FBXL7: variants seen among roughly 807,000 people sequenced by gnomAD.
FBXL7 encodes the protein F-box/LRR-repeat protein 7.
FBXL7 carries 12 observed loss-of-function variants against 38.3 expected under a neutral mutation model. The observed-to-expected ratio is 0.31, with a 90% CI of 0.20 to 0.51. The LOEUF (loss-of-function observed/expected upper bound fraction) is 0.51, where lower values mean the gene tolerates loss of function less well. FBXL7 is among the 20% of genes least tolerant of loss of function. FBXL7 has a pLI of 0.98. For synonymous variants in FBXL7, 297 were observed against 300.9 expected (o/e 0.99, Z 0.13); for missense variants, 567 against 676.4 (o/e 0.84, Z 1.79).
At chr5:15,771,971 A>G (rs1398865153) in intron 2 of FBXL7, among the ~76,000 whole-genome samples, 2 of 151,896 alleles carry the variant, frequency 1.3e-5, no homozygotes, top group Non-Finnish European at 2.9e-5. Context: ...AAGATTCACC[A>G]TGTTAATCAG....
In FBXL7 at chr5:15,889,683, A is replaced by G. The variant is rs530154658; in HGVS notation, c.128-38207A>G. 9.8e-5 allele frequency among the ~76,000 whole-genome samples: 15 copies of G among 152,336 alleles called. 1 individual carries two copies. Among genetic ancestry groups the G allele is most frequent in the African/African-American group, 3.6e-4 (15 of 41,574 alleles). On this transcript the variant is annotated intron_variant, in intron 2 of 3. Coordinates refer to ENST00000504595, the MANE Select transcript of FBXL7 (RefSeq NM_012304.5). Reference sequence around the variant, plus strand: ...TGGTCTCTAGGGATAGGATCCAGGTATCAGTGTTGTTCTGAAACTCCCTCA... The same window carrying G: ...TGGTCTCTAGGGATAGGATCCAGGTGTCAGTGTTGTTCTGAAACTCCCTCA...
chr5:15,844,736 G>C (rs1342516566), intron 2 of FBXL7, among the ~76,000 whole-genome samples: 1 of 152,102 alleles, frequency 6.6e-6, no homozygotes, highest in Non-Finnish European at 1.5e-5. Context: ...TCTACCTTAG[G>C]AAACATGATA....
At chr5:15,781,910 C>T (rs1372884309) in intron 2 of FBXL7, among the ~76,000 whole-genome samples, 1 of 152,044 alleles carries the variant, frequency 6.6e-6, no homozygotes, top group Non-Finnish European at 1.5e-5. Flanking sequence ...ATACATGTGC[C>T]ATGGTGGTTT....
At chr5:15,860,253 C>T (rs1188396670) in intron 2 of FBXL7, among the ~76,000 whole-genome samples, 2 of 152,178 alleles carry the variant, frequency 1.3e-5, no homozygotes, top group Non-Finnish European at 2.9e-5. Flanking sequence ...GACACATATT[C>T]TCCTATCTGA....
intron 2 of FBXL7, among the ~76,000 whole-genome samples, chr5:15,697,898 C>T (rs897120594): frequency 6.6e-6 from 1 of 152,096 alleles, no homozygotes; most frequent in South Asian, 2.1e-4. Flanking sequence ...TGTTATTTTC[C>T]AAAATTGGCA....
intron 2 of FBXL7, among the ~76,000 whole-genome samples, chr5:15,814,911 T>C (rs1737974647): frequency 6.6e-6 from 1 of 152,166 alleles, no homozygotes; most frequent in African/African-American, 2.4e-5. Context: ...TGAATGGCCC[T>C]GCATTTCACT....
At chr5:15,849,179 C>T (rs1353686369) in intron 2 of FBXL7, among the ~76,000 whole-genome samples, 1 of 151,358 alleles carries the variant, frequency 6.6e-6, no homozygotes, top group Non-Finnish European at 1.5e-5. Context: ...AACTTAAAGC[C>T]AAATTTAATT....
chr5:15,732,445 G>A (rs1735615102), intron 2 of FBXL7, among the ~76,000 whole-genome samples: 1 of 152,134 alleles, frequency 6.6e-6, no homozygotes, highest in African/African-American at 2.4e-5. Context: ...ATGGCTTTCA[G>A]TGTTCTTTTT....
At chr5:15,696,387 A>G (rs1207507327) in intron 2 of FBXL7, among the ~76,000 whole-genome samples, 2 of 152,314 alleles carry the variant, frequency 1.3e-5, no homozygotes, top group South Asian at 2.1e-4. Context: ...TTGAATTGGA[A>G]GGGTTTCTAG....
At chr5:15,929,837 A>T (rs1287273350) in intron 3 of FBXL7, among the ~76,000 whole-genome samples, 1 of 152,092 alleles carries the variant, frequency 6.6e-6, no homozygotes, top group African/African-American at 2.4e-5. Flanking sequence ...TGCATCAGGG[A>T]CTTAAAACCA....
intron 1 of FBXL7, among the ~76,000 whole-genome samples, chr5:15,575,003 C>T (rs1485793033): frequency 1.3e-5 from 2 of 152,110 alleles, no homozygotes; most frequent in Non-Finnish European, 1.5e-5. Context: ...TCTGGTTATC[C>T]GGAGACATTT....
chr5:15,772,636 G>A (rs1038147808), intron 2 of FBXL7, among the ~76,000 whole-genome samples: 3 of 152,168 alleles, frequency 2.0e-5, no homozygotes, highest in African/African-American at 7.2e-5. Context: ...CCCTCTTCAT[G>A]GTGTGATTGC....
chr5:15,540,044 G>T (rs1737701210), intron 1 of FBXL7, among the ~76,000 whole-genome samples: 1 of 151,292 alleles, frequency 6.6e-6, no homozygotes, highest in East Asian at 1.9e-4. Flanking sequence ...CACTGGAGTA[G>T]GATATAGGAC....
At chr5:15,876,414 G>A (rs752291257) in intron 2 of FBXL7, among the ~76,000 whole-genome samples, 4 of 151,612 alleles carry the variant, frequency 2.6e-5, no homozygotes, top group Non-Finnish European at 5.9e-5. Flanking sequence ...AAAAAAAAAG[G>A]TGTTCCCATT....
intron 2 of FBXL7, among the ~76,000 whole-genome samples, chr5:15,875,511 A>G (rs1740162012): frequency 6.6e-6 from 1 of 152,208 alleles, no homozygotes; most frequent in Non-Finnish European, 1.5e-5. Flanking sequence ...CCATCTGACA[A>G]AGAGCTAATA....
chr5:15,740,879 C>T (rs1325196749), intron 2 of FBXL7, among the ~76,000 whole-genome samples: 1 of 152,128 alleles, frequency 6.6e-6, no homozygotes, highest in Non-Finnish European at 1.5e-5. Context: ...TCCAAATTCC[C>T]TAATTGTTTA....
At chr5:15,896,028 CT>C (rs571938099) in intron 2 of FBXL7, among the ~76,000 whole-genome samples, 1,444 of 134,426 alleles carry the variant, frequency 0.011, 6 homozygotes, top group Non-Finnish European at 0.011. Flanking sequence ...ACTGAGTCTA[CT>C]TTTTTTTTTT....
Position 15,550,115 on chromosome 5 carries a change from A to C in FBXL7, c.37+49402A>C, listed in dbSNP as rs146256448. On this transcript the variant is annotated intron_variant, in intron 1 of 3. Coordinates refer to ENST00000504595, the MANE Select transcript of FBXL7 (RefSeq NM_012304.5). ...TATGTTGAAATACTAACATTCTCCC[A>C]GGTTACACTTTTCTTTCCACCTCTC... Among the ~76,000 whole-genome samples, 14 of 152,370 alleles carry C rather than the reference A, an allele frequency of 9.2e-5. No homozygotes were observed. In the East Asian group the frequency reaches 2.7e-3, roughly 29 times the overall value.
intron 1 of FBXL7, among the ~76,000 whole-genome samples, chr5:15,535,580 G>T (rs961083799): frequency 1.3e-5 from 2 of 152,212 alleles, no homozygotes. Context: ...GAGCTTGAGA[G>T]AAATGATTTA....
Sources: allele counts gnomAD v4.1 joint callset (sites outside exome capture counted in the v4.1 genomes callset), GRCh38; gene constraint gnomAD v4.1.1; transcripts MANE v1.5; gene names NCBI Gene and HGNC (gene_info 2026-07-23, HGNC 2026-07-21).